The following INTS9 variants were observed in gnomAD, a reference collection of about 807,000 sequenced individuals.
INTS9 encodes the protein integrator complex subunit 9, also known as protein related to CPSF subunits of 74 kDa.
Under a neutral mutation model 79.7 loss-of-function variants are expected in INTS9, and 55 were observed. The observed-to-expected ratio is 0.69, with a 90% CI of 0.56 to 0.86. The LOEUF (loss-of-function observed/expected upper bound fraction) is 0.86, where lower values mean the gene tolerates loss of function less well. INTS9 is among the 40% of genes least tolerant of loss of function. The probability of loss-of-function intolerance (pLI) is 0.00; values close to 1 mark genes in which losing one functional copy is unlikely to be tolerated. For synonymous variants in INTS9, 319 were observed against 325.2 expected (o/e 0.98, Z 0.20); for missense variants, 721 against 831.5 (o/e 0.87, Z 1.64).
chr8:28,776,542 G>A (rs1038484150), intron 13 of INTS9, among the ~76,000 whole-genome samples: 1 of 151,442 alleles, frequency 6.6e-6, no homozygotes. Context: ...GAAAAGGAAT[G>A]CTGGCAGCCC....
In INTS9 at chr8:28,849,492, G is replaced by GT. The variant is rs538880638; in HGVS notation, c.198+720dup. The stretch of plus-strand genomic sequence containing the variant: ...CTCCATATCCCAGAGTCCTAGAACT[G>GT]TTTTTTTTTTTTAATCATCTATAAA... On this transcript the variant is annotated intron_variant, in intron 3 of 16. Coordinates refer to ENST00000521022, the MANE Select transcript of INTS9 (RefSeq NM_018250.4). Among the ~76,000 whole-genome samples, 1,269 of 145,202 alleles carry GT rather than the reference G, an allele frequency of 8.7e-3. 12 individuals are homozygous for GT. The highest frequency in any genetic ancestry group is 0.027 in the African/African-American group (1,081 of 39,620).
chr8:28,875,045 C>A (rs1809303711), intron 1 of INTS9, among the ~76,000 whole-genome samples: 1 of 152,116 alleles, frequency 6.6e-6, no homozygotes, highest in Admixed American at 6.5e-5. Flanking sequence ...TTAAAACCAT[C>A]AGATCTTGTG....
chr8:28,846,121 T>A (rs1390328408), intron 4 of INTS9, among the ~76,000 whole-genome samples: 1 of 152,178 alleles, frequency 6.6e-6, no homozygotes, highest in African/African-American at 2.4e-5. Context: ...ATTTCACATG[T>A]CTGTTAAGAA....
At chr8:28,776,405 G>A (rs1802882447) in intron 13 of INTS9, 1 of 148,636 alleles carries the variant, frequency 6.7e-6, no homozygotes, top group Non-Finnish European at 1.5e-5. Context: ...CTCACCATGT[G>A]CAACCAAGGA....
chr8:28,801,931 A>C (rs564666877), intron 8 of INTS9, among the ~76,000 whole-genome samples: 1 of 152,238 alleles, frequency 6.6e-6, no homozygotes, highest in East Asian at 1.9e-4. Flanking sequence ...AGTCTTTAAG[A>C]CCTCAAGAAA....
chr8:28,832,950 G>A (rs890031447), intron 6 of INTS9, among the ~76,000 whole-genome samples: 3 of 150,896 alleles, frequency 2.0e-5, no homozygotes, highest in Admixed American at 1.3e-4. Context: ...GAGACAGAGC[G>A]AAACTCCATC....
At chr8:28,812,189 T>C in intron 8 of INTS9, 138 bp downstream of exon 8, 2 of 836,802 alleles carry the variant, frequency 2.4e-6, no homozygotes, top group African/African-American at 1.7e-5. Flanking sequence ...GAGACTCAAA[T>C]AGTCTACCTT....
At chr8:28,780,059 T>TA (rs1421661604) in intron 12 of INTS9, among the ~76,000 whole-genome samples, 1 of 151,114 alleles carries the variant, frequency 6.6e-6, no homozygotes, top group Non-Finnish European at 1.5e-5. Context: ...CAAGGTTTTT[T>TA]TTTTTTTTTC....
Position 28,822,863 on chromosome 8 carries a change from A to G in INTS9, c.489-9251T>C, listed in dbSNP as rs192018786. Among the ~76,000 whole-genome samples, 47 of 152,076 alleles carry G rather than the reference A, an allele frequency of 3.1e-4. 1 individual carries two copies. The highest frequency in any genetic ancestry group is 1.1e-3 in the African/African-American group (44 of 41,474). On this transcript the variant is annotated intron_variant, in intron 6 of 16. Coordinates refer to ENST00000521022, the MANE Select transcript of INTS9 (RefSeq NM_018250.4). ...GATGTGCAGATCTACTGCCCACCCC[A>G]CACACTTCCCACACACTCTTTGTGT...
At chr8:28,804,993 A>G (rs906130901) in intron 8 of INTS9, among the ~76,000 whole-genome samples, 1 of 152,204 alleles carries the variant, frequency 6.6e-6, no homozygotes, top group Admixed American at 6.5e-5. Flanking sequence ...TGCAATACAC[A>G]GAAGTGTCAG....
At chr8:28,888,898 T>C (rs1274085255) in intron 1 of INTS9, among the ~76,000 whole-genome samples, 1 of 152,044 alleles carries the variant, frequency 6.6e-6, no homozygotes, top group African/African-American at 2.4e-5. Flanking sequence ...ATATAAATGG[T>C]AAAAAATAAA....
chr8:28,769,172 G>C (rs1158811716), intron 16 of INTS9, among the ~76,000 whole-genome samples: 1 of 152,220 alleles, frequency 6.6e-6, no homozygotes, highest in Non-Finnish European at 1.5e-5. Flanking sequence ...AAGCCTTTAA[G>C]ATTTGAAAGT....
chr8:28,863,920 A>G (rs1430986332), intron 1 of INTS9, among the ~76,000 whole-genome samples: 1 of 152,212 alleles, frequency 6.6e-6, no homozygotes, highest in Non-Finnish European at 1.5e-5. Context: ...CCTTTTTTTC[A>G]TAGAATAAGT....
chr8:28,840,833 C>A (rs1400290906), intron 4 of INTS9, among the ~76,000 whole-genome samples: 1 of 150,642 alleles, frequency 6.6e-6, no homozygotes, highest in East Asian at 2.0e-4. Context: ...AGAGATATAC[C>A]TAATGCTAAA....
At chr8:28,873,552 G>C (rs1809204681) in intron 1 of INTS9, among the ~76,000 whole-genome samples, 1 of 152,190 alleles carries the variant, frequency 6.6e-6, no homozygotes, top group Non-Finnish European at 1.5e-5. Context: ...TCAGAATAGT[G>C]ATTAACTGGA....
chr8:28,786,030 A>G (rs1474851511), intron 11 of INTS9, among the ~76,000 whole-genome samples: 1 of 152,118 alleles, frequency 6.6e-6, no homozygotes, highest in Non-Finnish European at 1.5e-5. Flanking sequence ...CAGGATCACT[A>G]CCACACTGGC....
At chr8:28,773,713 G>A (rs939628251) in intron 14 of INTS9, among the ~76,000 whole-genome samples, 24 of 151,200 alleles carry the variant, frequency 1.6e-4, no homozygotes, top group African/African-American at 5.6e-4. Context: ...TTAGAGACAA[G>A]GTTTCATCAT....
At chr8:28,866,014 C>A (rs1020217954) in intron 1 of INTS9, among the ~76,000 whole-genome samples, 1 of 151,232 alleles carries the variant, frequency 6.6e-6, no homozygotes, top group Non-Finnish European at 1.5e-5. Context: ...TTTGCTAATT[C>A]TTTCTTTAGT....
chr8:28,834,421 C>T (rs919262485), intron 6 of INTS9, among the ~76,000 whole-genome samples: 9 of 152,164 alleles, frequency 5.9e-5, no homozygotes, highest in African/African-American at 2.2e-4. Flanking sequence ...TCTCTTGCTC[C>T]AACTCACCCC....
Sources: allele counts gnomAD v4.1 joint callset (sites outside exome capture counted in the v4.1 genomes callset), GRCh38; gene constraint gnomAD v4.1.1; transcripts MANE v1.5; gene names NCBI Gene and HGNC (gene_info 2026-07-23, HGNC 2026-07-21).